LRRIQ1: variants seen among roughly 807,000 people sequenced by gnomAD.
LRRIQ1 encodes leucine rich repeats and IQ motif containing 1.
LRRIQ1 carries 210 observed loss-of-function variants against 211.9 expected under a neutral mutation model. The observed-to-expected ratio is 0.99, with a 90% CI of 0.89 to 1.11. The LOEUF (loss-of-function observed/expected upper bound fraction) is 1.11, where lower values mean the gene tolerates loss of function less well. Among genes scored for constraint, LRRIQ1 ranks in the 50% most tolerant of loss-of-function variants. LRRIQ1 has a pLI of 0.00. For missense variants in LRRIQ1, 2,136 were observed against 1,939.5 expected, an observed-to-expected ratio of 1.10 and a Z score of -1.90; for synonymous variants, 699 against 650.1, an observed-to-expected ratio of 1.08 and a Z score of -1.14.
chr12:85,267,273 C>A (rs1896440134), downstream of LRRIQ1, among the ~76,000 whole-genome samples: 1 of 151,850 alleles, frequency 6.6e-6, no homozygotes, highest in South Asian at 2.1e-4. Flanking sequence ...AATTGGTAAA[C>A]TTAATTTAAT....
downstream of LRRIQ1, among the ~76,000 whole-genome samples, chr12:85,267,581 G>A (rs190795576): frequency 6.6e-6 from 1 of 152,132 alleles, no homozygotes; most frequent in African/African-American, 2.4e-5. Flanking sequence ...CTCTACCAAA[G>A]CTCATGTATC....
chr12:85,103,945 G>A lies in LRRIQ1; in HGVS notation c.3210-59G>A, dbSNP rs1329769054. The A allele has an allele frequency of 6.8e-6, 6 of 886,898 alleles. No homozygotes were observed. The African/African-American group carries it at 6.9e-5, about 10-fold the overall frequency. The allele number at this position is 886,898 out of a possible 1,614,324, so 54.9% of individuals were successfully genotyped here. On this transcript the variant is annotated intron_variant, in intron 13 of 26. Transcript: ENST00000393217. ...AAATGTATTGTTATATAGTTACAAT[G>A]GTAACATTAAGGACTTTCCAATTTA...
intron 26 of LRRIQ1, among the ~76,000 whole-genome samples, chr12:85,233,535 A>T (rs181408338): frequency 2.7e-3 from 417 of 152,272 alleles, no homozygotes; most frequent in African/African-American, 9.6e-3. Flanking sequence ...AGCTTGGCTT[A>T]TAGAATTTTA....
chr12:85,201,113 G>A (rs1051389995), intron 24 of LRRIQ1, among the ~76,000 whole-genome samples: 1 of 152,032 alleles, frequency 6.6e-6, no homozygotes, highest in Non-Finnish European at 1.5e-5. Flanking sequence ...TTACAGTCAT[G>A]AGCCACCACG....
At chr12:85,232,988 T>C (rs1044108634) in intron 26 of LRRIQ1, 5 of 438,968 alleles carry the variant, frequency 1.1e-5, no homozygotes, top group Non-Finnish European at 8.0e-6. Context: ...TGTAAAAATA[T>C]TAGCATCCTA....
In LRRIQ1 at chr12:85,098,530, G is replaced by T. The variant is rs1312117360; in HGVS notation, c.3063G>T (p.Gln1021His). The T allele has an allele frequency of 1.2e-6, 2 of 1,607,868 alleles. No individual in the cohort carries two copies. Among genetic ancestry groups the T allele is most frequent in the Admixed American group, 3.4e-5 (2 of 59,248 alleles). ...NCGLLQILKL[Q>H]GNYLSELPSL... ...GATTGCTCCAAATATTGAAGTTACAGGGAAATTATCTGAGTGAGGTAATTG... is the reference window on the plus strand; with the variant it reads ...GATTGCTCCAAATATTGAAGTTACATGGAAATTATCTGAGTGAGGTAATTG... Residue 1021 changes from glutamine (Q) to histidine (H), a missense_variant, in exon 12 of 27, where the codon CAG becomes CAT. Coordinates refer to ENST00000393217, the MANE Select transcript of LRRIQ1 (RefSeq NM_001079910.2).
At chr12:85,171,134 C>T (rs1435107966) in intron 24 of LRRIQ1, among the ~76,000 whole-genome samples, 3 of 151,696 alleles carry the variant, frequency 2.0e-5, no homozygotes, top group Admixed American at 6.6e-5. Flanking sequence ...TTTGAGGATA[C>T]GGAAGAAGAA....
At chr12:85,211,904 CA>C (rs1335272459) in intron 24 of LRRIQ1, among the ~76,000 whole-genome samples, 7 of 152,082 alleles carry the variant, frequency 4.6e-5, no homozygotes, top group Non-Finnish European at 7.4e-5. Flanking sequence ...AAGAATCATT[CA>C]GTTGTATGTG....
Position 85,040,590 on chromosome 12 carries a change from C to A in LRRIQ1, c.233C>A (p.Thr78Asn). The A allele has an allele frequency of 6.3e-7, 1 of 1,575,610 alleles. No homozygotes were observed. The highest frequency in any genetic ancestry group is 8.7e-7 in the Non-Finnish European group (1 of 1,151,506). Residue 78 changes from threonine to asparagine, a missense_variant, in exon 3 of 27, where the codon ACT becomes AAT. By Grantham distance (65) the Thr-to-Asn change is moderately conservative. Transcript: ENST00000393217. ...EELILQDLED[T>N]DILSCSYGAV... ...CTCATTCTTCAGGACCTGGAAGATA[C>A]TGATATTTTAAGTAAGTACTATTTT...
chr12:85,097,752 G>A (rs1886016452), intron 11 of LRRIQ1, among the ~76,000 whole-genome samples: 1 of 152,058 alleles, frequency 6.6e-6, no homozygotes, highest in African/African-American at 2.4e-5. Context: ...ACTCCTGATG[G>A]CTGATTTAAG....
At position 85,075,760 on chromosome 12, in the gene LRRIQ1, G is replaced by A. The variant is rs377244141; in HGVS notation, c.2887+2662G>A. On this transcript the variant is annotated intron_variant, in intron 11 of 26. Transcript: ENST00000393217. ...CATGCTCCTGCATTCCCAGCTACTCGGGAGGCTGAGTTGAGAGGAACTCAT... is the reference window on the plus strand; with the variant it reads ...CATGCTCCTGCATTCCCAGCTACTCAGGAGGCTGAGTTGAGAGGAACTCAT... Among the ~76,000 whole-genome samples the A allele has an allele frequency of 5.1e-4, 77 of 152,016 alleles. 3 individuals are homozygous for A. The South Asian group carries it at 0.014, about 28-fold the overall frequency.
chr12:85,107,191 C>A (rs1349556405), intron 15 of LRRIQ1, among the ~76,000 whole-genome samples: 1 of 151,976 alleles, frequency 6.6e-6, no homozygotes, highest in East Asian at 1.9e-4. Flanking sequence ...AACACGATTT[C>A]CCCCAAATTG....
chr12:85,146,499 C>G (rs961583618), intron 19 of LRRIQ1, among the ~76,000 whole-genome samples: 3 of 151,646 alleles, frequency 2.0e-5, no homozygotes, highest in Admixed American at 6.6e-5. Context: ...GTGCTTGCAG[C>G]AGTTTGGGAC....
At chr12:85,173,107 C>G (rs1279695626) in intron 24 of LRRIQ1, among the ~76,000 whole-genome samples, 1 of 151,972 alleles carries the variant, frequency 6.6e-6, no homozygotes, top group Non-Finnish European at 1.5e-5. Context: ...GATTCCGTCT[C>G]AAAAACAATA....
chr12:85,132,459 C>G (rs527432916), intron 18 of LRRIQ1, among the ~76,000 whole-genome samples: 1 of 152,150 alleles, frequency 6.6e-6, no homozygotes, highest in South Asian at 2.1e-4. Flanking sequence ...ACCAAGAGAG[C>G]ATAAATACCC....
intron 26 of LRRIQ1, among the ~76,000 whole-genome samples, chr12:85,244,397 A>T (rs1302066003): frequency 2.0e-5 from 3 of 151,680 alleles, no homozygotes; most frequent in African/African-American, 7.2e-5. Context: ...AAGTGGCAAC[A>T]TATAATTTTT....
chr12:85,263,048 C>T, exon 2 of LRRIQ1: 4 of 987,952 alleles, frequency 4.0e-6, no homozygotes, highest in Non-Finnish European at 4.8e-6. Flanking sequence ...AGAAGGCGAA[C>T]ATTTCCAACT....
At chr12:85,160,764 T>A in intron 24 of LRRIQ1, 50 bp downstream of exon 24, 1 of 994,770 alleles carries the variant, frequency 1.0e-6, no homozygotes, top group Non-Finnish European at 1.5e-6. Context: ...AAAGAAAGAT[T>A]AAAAGAATTA....
intron 11 of LRRIQ1, among the ~76,000 whole-genome samples, chr12:85,088,940 T>G (rs1301263478): frequency 6.6e-6 from 1 of 152,152 alleles, no homozygotes; most frequent in African/African-American, 2.4e-5. Context: ...ATTTCTTTCT[T>G]CTGCCTGATT....
Sources: allele counts gnomAD v4.1 joint callset (sites outside exome capture counted in the v4.1 genomes callset), GRCh38; gene constraint gnomAD v4.1.1; transcripts MANE v1.5; gene names NCBI Gene and HGNC (gene_info 2026-07-23, HGNC 2026-07-21).